Variants in LHFPL3 observed in about 807,000 individuals in gnomAD.
The protein encoded by LHFPL3 is LHFPL tetraspan subfamily member 3.
Under a neutral mutation model 19.3 loss-of-function variants are expected in LHFPL3, and 5 were observed. The observed-to-expected ratio is 0.26, with a 90% CI of 0.14 to 0.54. The LOEUF (loss-of-function observed/expected upper bound fraction) is 0.54. Ranked by LOEUF, LHFPL3 falls within the 20% of genes least tolerant of loss-of-function variation. The pLI, the probability that LHFPL3 is intolerant of heterozygous loss-of-function variation, is 0.94. For synonymous variants in LHFPL3, 133 were observed against 126.2 expected (o/e 1.05, Z -0.36); for missense variants, 249 against 307.4 (o/e 0.81, Z 1.42).
chr7:104,566,097 C>T (rs928783341), intron 1 of LHFPL3, among the ~76,000 whole-genome samples: 4 of 151,984 alleles, frequency 2.6e-5, no homozygotes, highest in African/African-American at 9.7e-5. Flanking sequence ...CCTGTAATCC[C>T]AGCATTTTGG....
chr7:104,706,702 G>A (rs1025447655), intron 1 of LHFPL3, among the ~76,000 whole-genome samples: 1 of 152,112 alleles, frequency 6.6e-6, no homozygotes, highest in Non-Finnish European at 1.5e-5. Context: ...GGTTGGTGGG[G>A]AATGTTTCAC....
chr7:104,707,733 G>C (rs1793219216), intron 1 of LHFPL3, among the ~76,000 whole-genome samples: 2 of 152,144 alleles, frequency 1.3e-5, no homozygotes, highest in African/African-American at 4.8e-5. Context: ...CCCACTGATT[G>C]TATTTGAATG....
chr7:104,648,019 T>C (rs932723531), intron 1 of LHFPL3, among the ~76,000 whole-genome samples: 10 of 152,236 alleles, frequency 6.6e-5, no homozygotes, highest in African/African-American at 2.4e-4. Flanking sequence ...TGCAGTAATA[T>C]CTGACTTATG....
chr7:104,809,096 T>C (rs1048184103), intron 2 of LHFPL3, among the ~76,000 whole-genome samples: 1 of 152,150 alleles, frequency 6.6e-6, no homozygotes, highest in African/African-American at 2.4e-5. Flanking sequence ...GGTTTCACCA[T>C]GTTGATCAGG....
intron 1 of LHFPL3, among the ~76,000 whole-genome samples, chr7:104,498,949 TC>T: frequency 6.6e-6 from 1 of 152,270 alleles, no homozygotes. Context: ...GAAGACCAAT[TC>T]CAAAAATGTT....
intron 1 of LHFPL3, among the ~76,000 whole-genome samples, chr7:104,468,869 C>G (rs1172013711): frequency 6.6e-6 from 1 of 152,074 alleles, no homozygotes; most frequent in Non-Finnish European, 1.5e-5. Context: ...CCATGTTGGC[C>G]AGGCTGGTCT....
intron 1 of LHFPL3, among the ~76,000 whole-genome samples, chr7:104,649,096 G>A (rs1791983020): frequency 6.6e-6 from 1 of 152,182 alleles, no homozygotes; most frequent in Non-Finnish European, 1.5e-5. Flanking sequence ...CATGATCCAG[G>A]AGTTGAGAGA....
rs534367788 is a variant in LHFPL3, at chr7:104,849,998, C to A, written c.683-56189C>A. ...GAAGAGGAATTCTATTAGGTTCGTG[C>A]AAAAGTAATTGTGGTTTTTTTAGGC... On this transcript the variant is annotated intron_variant, in intron 2 of 2. Transcript: ENST00000424859. Among the ~76,000 whole-genome samples, 3 of 152,286 alleles carry A rather than the reference C, an allele frequency of 2.0e-5. No homozygotes were observed. In the South Asian group the frequency reaches 6.2e-4, roughly 32 times the overall value.
chr7:104,440,575 A>G (rs757012150), intron 1 of LHFPL3, among the ~76,000 whole-genome samples: 3 of 152,160 alleles, frequency 2.0e-5, no homozygotes, highest in Admixed American at 2.0e-4. Flanking sequence ...AAACATATAT[A>G]TATATAAAAA....
At chr7:104,732,350 A>G (rs894119558) in intron 1 of LHFPL3, among the ~76,000 whole-genome samples, 7 of 152,078 alleles carry the variant, frequency 4.6e-5, no homozygotes, top group South Asian at 2.1e-4. Flanking sequence ...AATCCATCTG[A>G]TCCTGGACTT....
chr7:104,620,352 G>A (rs771018709), intron 1 of LHFPL3, among the ~76,000 whole-genome samples: 4 of 152,196 alleles, frequency 2.6e-5, no homozygotes, highest in South Asian at 4.1e-4. Context: ...ATTGTTAAGA[G>A]TTTTAGATAG....
At chr7:104,390,073 A>T (rs1006191439) in intron 1 of LHFPL3, among the ~76,000 whole-genome samples, 1 of 152,016 alleles carries the variant, frequency 6.6e-6, no homozygotes, top group Non-Finnish European at 1.5e-5. Context: ...AAATGAAAAG[A>T]CAACCCACAG....
intron 1 of LHFPL3, among the ~76,000 whole-genome samples, chr7:104,458,028 T>C (rs1392308461): frequency 6.6e-6 from 1 of 150,686 alleles, no homozygotes; most frequent in Non-Finnish European, 1.5e-5. Context: ...CTTTGTCAGA[T>C]GAGTAGGTTG....
chr7:104,525,220 C>T (rs1052378295), intron 1 of LHFPL3, among the ~76,000 whole-genome samples: 3 of 152,166 alleles, frequency 2.0e-5, no homozygotes, highest in African/African-American at 7.2e-5. Context: ...AGAAACAATT[C>T]CTCCACTTTT....
chr7:104,360,056 G>C (rs2116407145), intron 1 of LHFPL3, among the ~76,000 whole-genome samples: 1 of 152,336 alleles, frequency 6.6e-6, no homozygotes, highest in African/African-American at 2.4e-5. Flanking sequence ...CTCAAATCCT[G>C]ACACTTTCCG....
intron 1 of LHFPL3, among the ~76,000 whole-genome samples, chr7:104,591,032 A>G (rs1348649189): frequency 6.6e-6 from 1 of 152,118 alleles, no homozygotes; most frequent in Non-Finnish European, 1.5e-5. Context: ...GGGTCTCCCG[A>G]ATAGAGCACA....
At chr7:104,821,418 A>G (rs920438820) in intron 2 of LHFPL3, among the ~76,000 whole-genome samples, 4 of 152,240 alleles carry the variant, frequency 2.6e-5, no homozygotes, top group African/African-American at 9.6e-5. Context: ...AGCCGGTTTC[A>G]TGCAGATTCA....
intron 1 of LHFPL3, among the ~76,000 whole-genome samples, chr7:104,707,976 A>T (rs560493165): frequency 3.3e-5 from 5 of 152,370 alleles, no homozygotes; most frequent in African/African-American, 4.8e-5. Flanking sequence ...TACATCAGAG[A>T]GGCCAAAGAC....
At chr7:104,397,685 A>G (rs970765188) in intron 1 of LHFPL3, among the ~76,000 whole-genome samples, 2 of 152,214 alleles carry the variant, frequency 1.3e-5, no homozygotes, top group African/African-American at 4.8e-5. Flanking sequence ...TTCTTCAGCA[A>G]ACACCTCCTG....
Sources: gnomAD v4.1 joint callset for allele counts (sites outside exome capture counted in the v4.1 genomes callset) on GRCh38, gnomAD v4.1.1 for gene constraint, MANE v1.5 for transcripts, NCBI Gene and HGNC (gene_info 2026-07-23, HGNC 2026-07-21) for gene names.